The following SMG1 variants were observed in gnomAD, a reference collection of about 807,000 sequenced individuals.
SMG1 encodes serine/threonine-protein kinase SMG1.
SMG1 carries 22 observed loss-of-function variants against 419.9 expected under a neutral mutation model. The ratio of observed to expected loss-of-function variants is 0.05; its 90% CI spans 0.04 to 0.07. SMG1 has a LOEUF of 0.07. Among genes scored for constraint, SMG1 ranks in the 10% least tolerant of loss-of-function variants. The pLI, the probability that SMG1 is intolerant of heterozygous loss-of-function variation, is 1.00. For synonymous variants in SMG1, 1,538 were observed against 1,553.5 expected (o/e 0.99, Z 0.23); for missense variants, 3,185 against 4,342.0 (o/e 0.73, Z 7.49).
chr16:18,849,326 G>T lies in SMG1; in HGVS notation c.5514C>A (p.Arg1838=). 6.2e-7 allele frequency: 1 copy of T among 1,613,810 alleles called. No homozygotes were observed. The highest frequency in any genetic ancestry group is 1.1e-5 in the South Asian group (1 of 91,076). Residue 1838 remains arginine (R), a synonymous_variant, in exon 36 of 63, where the codon CGC becomes CGA. Transcript: ENST00000446231. ...GGCAGAGAAGGTTACAAATACTTTG[G>T]CGCACATACACTTCAGGGTGGTTTA... ...SRLNHPEVYV[R]QSICNLLCRV... is the part of the protein sequence containing the mutation.
In SMG1 at chr16:18,849,908, TG is replaced by T. The variant is rs756071139; in HGVS notation, c.5461+40del. On this transcript the variant is annotated intron_variant, in intron 35 of 62. Transcript: ENST00000446231. ...CTTTTTGAAATCTTATATATCCTAGTGAGAAACTATTTTTCCTGAAACATTT... is the reference window on the plus strand; with the variant it reads ...CTTTTTGAAATCTTATATATCCTAGTAGAAACTATTTTTCCTGAAACATTT... 22 of 1,580,558 alleles carry T rather than the reference TG, an allele frequency of 1.4e-5. 1 individual carries two copies. In the Middle Eastern group the frequency reaches 5.2e-4, roughly 37 times the overall value.
At position 18,885,621 on chromosome 16, in the gene SMG1, G is replaced by C. The variant is rs1289925929; in HGVS notation, c.868C>G (p.Pro290Ala). 1 of 1,595,932 alleles carries C rather than the reference G, an allele frequency of 6.3e-7. No individual in the cohort carries two copies. The change falls in exon 7 of 63, where the codon CCA becomes GCA. Residue 290 changes from proline to alanine, a missense_variant. By Grantham distance (27) the Pro-to-Ala change is conservative. Transcript: ENST00000446231. ...LQSILENVDT[P>A]ELLCKCVKCI... is the part of the protein sequence containing the mutation. ...TTAACACATTTACAAAGCAATTCTG[G>C]TGTATCCACATTTTCAAGAATAGAC...
chr16:18,871,754 C>G (rs1163529898), intron 15 of SMG1, among the ~76,000 whole-genome samples: 1 of 152,054 alleles, frequency 6.6e-6, no homozygotes, highest in Non-Finnish European at 1.5e-5. Context: ...TGGCCAACAA[C>G]ATGGTGAAAC....
rs1338708606 is a variant in SMG1, at chr16:18,835,992, G to A, written c.7998C>T (p.Thr2666=). ...FQKHRIEQWK[T]WMEELICNTT... Reference sequence around the variant, plus strand: ...TGTTACAGATGAGCTCTTCCATCCAGGTCTTCCACTGTTCAATTCGATGTT... The same window carrying A: ...TGTTACAGATGAGCTCTTCCATCCAAGTCTTCCACTGTTCAATTCGATGTT... The change falls in exon 48 of 63, where the codon ACC becomes ACT. Residue 2666 remains threonine, a synonymous_variant. Transcript: ENST00000446231. 2 of 1,556,374 alleles carry A rather than the reference G, an allele frequency of 1.3e-6. No individual in the cohort carries two copies. Among genetic ancestry groups the A allele is most frequent in the South Asian group, 2.4e-5 (2 of 84,320 alleles).
chr16:18,850,634 T>G (rs1307015330), intron 33 of SMG1, among the ~76,000 whole-genome samples, 167 bp from the exon 34 acceptor site: 2 of 152,260 alleles, frequency 1.3e-5, no homozygotes, highest in African/African-American at 4.8e-5. Flanking sequence ...CTCTTTATGA[T>G]ATATTTACTA....
intron 23 of SMG1, 26 bp from the exon 24 acceptor site, chr16:18,864,170 A>C: frequency 1.2e-6 from 1 of 819,878 alleles, no homozygotes; most frequent in South Asian, 2.1e-5. Context: ...AAGCAGTCTT[A>C]TTTATTTATC....
intron 41 of SMG1, among the ~76,000 whole-genome samples, chr16:18,841,092 C>T (rs373065923): frequency 2.0e-5 from 3 of 152,096 alleles, no homozygotes; most frequent in African/African-American, 7.2e-5. Context: ...AAGCAAACAA[C>T]TTTATTTTTA....
At chr16:18,894,266 C>T (rs956204433) in intron 3 of SMG1, among the ~76,000 whole-genome samples, 11 of 151,772 alleles carry the variant, frequency 7.2e-5, no homozygotes, top group African/African-American at 2.2e-4. Context: ...GCACTGGTAT[C>T]CTGAACTTAA....
intron 56 of SMG1, among the ~76,000 whole-genome samples, chr16:18,818,818 CTTT>C (rs35000007): frequency 6.8e-5 from 9 of 131,612 alleles, no homozygotes; most frequent in South Asian, 4.9e-4. Context: ...GCACAAGGTC[CTTT>C]TTTTTTTTTT....
At chr16:18,875,122 A>G (rs1014771532) in intron 13 of SMG1, 1 of 152,508 alleles carries the variant, frequency 6.6e-6, no homozygotes, top group African/African-American at 2.4e-5. Context: ...AGGTCATTTT[A>G]TGCAATATTT....
intron 15 of SMG1, 71 bp from the exon 16 acceptor site, chr16:18,871,553 C>T: frequency 3.2e-6 from 2 of 626,764 alleles, no homozygotes; most frequent in Non-Finnish European, 5.3e-6. Flanking sequence ...AAAGCCTAGT[C>T]TTCTTACATT....
At position 18,842,335 on chromosome 16, in the gene SMG1, G is replaced by C; in HGVS notation, c.6339C>G (p.Val2113=). ...GGATTGTGACAGTGTCTCTGGCTGA[G>C]ACTTCCCCAGGAAGAGCAATTTCAG... ...TNTEIALPGE[V]SARDTVTIHS... The change falls in exon 40 of 63, where the codon GTC becomes GTG. Residue 2113 remains valine, a synonymous_variant. Coordinates refer to ENST00000446231, the MANE Select transcript of SMG1 (RefSeq NM_015092.5). 1 of 1,613,986 alleles carries C rather than the reference G, an allele frequency of 6.2e-7. No individual in the cohort carries two copies. Among genetic ancestry groups the C allele is most frequent in the Non-Finnish European group, 8.5e-7 (1 of 1,179,882 alleles).
At position 18,860,680 on chromosome 16, in the gene SMG1, T is replaced by C; in HGVS notation, c.3792A>G (p.Ser1264=). The change falls in exon 26 of 63, where the codon TCA becomes TCG. Residue 1264 remains serine, a synonymous_variant. Coordinates refer to ENST00000446231, the MANE Select transcript of SMG1 (RefSeq NM_015092.5). The part of the protein sequence containing the change: ...GENINLLAGG[S]KEKIDMKKLL... Reference sequence around the variant, plus strand: ...TTTCTCAAATACCTATTTTTTCTTTTGATCCTCCAGCAAGTAGATTGATAT... The same window carrying C: ...TTTCTCAAATACCTATTTTTTCTTTCGATCCTCCAGCAAGTAGATTGATAT... The C allele has an allele frequency of 6.6e-7, 1 of 1,517,512 alleles. No homozygotes were observed. Among genetic ancestry groups the C allele is most frequent in the South Asian group, 1.2e-5 (1 of 86,282 alleles). The allele number at this position is 1,517,512 out of a possible 1,614,324, so 94.0% of individuals were successfully genotyped here.
intron 54 of SMG1, among the ~76,000 whole-genome samples, chr16:18,828,929 C>T (rs1275473062): frequency 2.0e-5 from 3 of 150,954 alleles, no homozygotes; most frequent in Middle Eastern, 3.4e-3. Context: ...ACCCAGGAGG[C>T]GGAGGTTGCG....
chr16:18,818,385 CAAAA>C (rs968791068), intron 56 of SMG1, among the ~76,000 whole-genome samples: 1 of 150,322 alleles, frequency 6.7e-6, no homozygotes. Context: ...AACTCCGTCT[CAAAA>C]AAAACAAAAA....
chr16:18,867,642 G>A (rs1482599163), intron 22 of SMG1, among the ~76,000 whole-genome samples: 3 of 149,844 alleles, frequency 2.0e-5, no homozygotes, highest in Non-Finnish European at 3.0e-5. Flanking sequence ...TAGTTTTAAC[G>A]TGTTCTAACA....
intron 6 of SMG1, among the ~76,000 whole-genome samples, chr16:18,887,747 G>A (rs1213489645): frequency 5.5e-4 from 10 of 18,256 alleles, no homozygotes; most frequent in African/African-American, 9.6e-4. Context: ...CCAAAATAAA[G>A]CATATCAAAA....
chr16:18,871,570 C>T (rs745543623), intron 15 of SMG1, 88 bp from the exon 16 acceptor site: 11 of 521,628 alleles, frequency 2.1e-5, no homozygotes, highest in Non-Finnish European at 3.7e-5. Flanking sequence ...CATTGGTCTT[C>T]TCTTGGTTTT....
chr16:18,814,461 T>C (rs942471916), intron 60 of SMG1, among the ~76,000 whole-genome samples: 4 of 151,264 alleles, frequency 2.6e-5, no homozygotes, highest in African/African-American at 7.3e-5. Context: ...ACTGTGCCAC[T>C]GCACTCCAGC....
Sources: gnomAD v4.1 joint callset for allele counts (sites outside exome capture counted in the v4.1 genomes callset) on GRCh38, gnomAD v4.1.1 for gene constraint, MANE v1.5 for transcripts, NCBI Gene and HGNC (gene_info 2026-07-23, HGNC 2026-07-21) for gene names.